MAP3K4: variants seen among roughly 807,000 people sequenced by gnomAD.
The protein encoded by MAP3K4 is MAP three kinase 1.
MAP3K4 carries 67 observed loss-of-function variants against 185.6 expected under a neutral mutation model. The observed-to-expected ratio is 0.36, with a 90% CI of 0.30 to 0.44. The LOEUF is 0.44. Ranked by LOEUF, MAP3K4 falls within the 20% of genes least tolerant of loss-of-function variation. The pLI, the probability that MAP3K4 is intolerant of heterozygous loss-of-function variation, is 1.00. For synonymous variants in MAP3K4, 702 were observed against 710.4 expected (o/e 0.99, Z 0.19); for missense variants, 1,551 against 1,995.1 (o/e 0.78, Z 4.24).
chr6:161,040,113 GAA>G (rs1163956643), intron 2 of MAP3K4, among the ~76,000 whole-genome samples: 1 of 152,176 alleles, frequency 6.6e-6, no homozygotes, highest in African/African-American at 2.4e-5. Flanking sequence ...AACAATGTAT[GAA>G]TACCTCGTTT....
chr6:161,098,302 G>A lies in MAP3K4; in HGVS notation c.3549G>A (p.Ala1183=), dbSNP rs959221264. Residue 1183 remains alanine (A), a synonymous_variant, in exon 17 of 27, where the codon GCG becomes GCA. Transcript: ENST00000392142. This position sits in a 1 kb window ranked among gnomAD's most constrained non-coding sequence, Gnocchi z 4.4. ...GFSTRSMPSD[A]RSHGSPAAAA... ...GCACTCGGAGCATGCCTTCCGACGCGCGGAGCCATGGCAGCCCTGCTGCTG... is the reference window on the plus strand; with the variant it reads ...GCACTCGGAGCATGCCTTCCGACGCACGGAGCCATGGCAGCCCTGCTGCTG... The A allele has an allele frequency of 5.6e-6, 9 of 1,607,988 alleles. No individual in the cohort carries two copies. Among genetic ancestry groups the A allele is most frequent in the East Asian group, 2.2e-5 (1 of 44,582 alleles).
intron 2 of MAP3K4, among the ~76,000 whole-genome samples, chr6:161,039,974 A>T (rs1783375075): frequency 6.6e-6 from 1 of 152,186 alleles, no homozygotes; most frequent in African/African-American, 2.4e-5. Context: ...CTTTACTCAT[A>T]TATGGAGTAT....
intron 5 of MAP3K4, among the ~76,000 whole-genome samples, chr6:161,079,512 G>A (rs543282242): frequency 6.6e-6 from 1 of 152,218 alleles, no homozygotes; most frequent in Non-Finnish European, 1.5e-5. Flanking sequence ...GGGAGGCAGA[G>A]GTTGCGGTGA....
intron 1 of MAP3K4, among the ~76,000 whole-genome samples, chr6:161,006,032 C>G (rs752641797): frequency 5.3e-5 from 8 of 152,164 alleles, no homozygotes; most frequent in Non-Finnish European, 1.2e-4. Context: ...ATGATCCCCC[C>G]ACCTTGGCCT....
rs1357222811 is a variant in MAP3K4 at position 161,103,027 on chromosome 6, T to C, written c.3856+248T>C. Among the ~76,000 whole-genome samples the C allele has an allele frequency of 1.3e-5, 2 of 152,224 alleles. No homozygotes were observed. The highest frequency in any genetic ancestry group is 3.9e-4 in the East Asian group (2 of 5,192). ...ATATGTTTTACTCATCTTTATATTC[T>C]TAAAGCAACTTAGCATAATTTTTTG... On this transcript the variant is annotated intron_variant, in intron 19 of 26. Coordinates refer to ENST00000392142, the MANE Select transcript of MAP3K4 (RefSeq NM_005922.4). The surrounding 1 kb of genome is among the most constrained non-coding windows in gnomAD (Gnocchi z 4.6).
intron 1 of MAP3K4, among the ~76,000 whole-genome samples, chr6:161,013,058 T>A (rs918807371): frequency 1.2e-4 from 18 of 152,296 alleles, no homozygotes; most frequent in African/African-American, 4.3e-4. Context: ...TTTGAAAGGA[T>A]TTTGAACACT....
At chr6:161,044,075 C>A (rs1185687704) in intron 2 of MAP3K4, among the ~76,000 whole-genome samples, 1 of 152,012 alleles carries the variant, frequency 6.6e-6, no homozygotes, top group Non-Finnish European at 1.5e-5. Context: ...ATAAAGTTTT[C>A]TTTTAAAAAA....
At chr6:161,001,331 A>G (rs910281010) in intron 1 of MAP3K4, among the ~76,000 whole-genome samples, 4 of 151,978 alleles carry the variant, frequency 2.6e-5, no homozygotes, top group African/African-American at 9.7e-5. Context: ...TTTCACATCT[A>G]TATATTCTGT....
In MAP3K4 at chr6:161,101,341, T is replaced by C. The variant is rs1777830796; in HGVS notation, c.3675-551T>C. 1 of 152,196 alleles carries C rather than the reference T, an allele frequency of 6.6e-6. No homozygotes were observed. The highest frequency in any genetic ancestry group is 6.5e-5 in the Admixed American group (1 of 15,272). The allele number at this position is 152,196 out of a possible 1,614,324, so 9.4% of individuals were successfully genotyped here. ...CCTTCCATTTTCTTACTGAGAGATT[T>C]GGAATCTTTTGGACCATGAAATGAT... On this transcript the variant is annotated intron_variant, in intron 17 of 26. Coordinates refer to ENST00000392142, the MANE Select transcript of MAP3K4 (RefSeq NM_005922.4). This position sits in a 1 kb window ranked among gnomAD's most constrained non-coding sequence, Gnocchi z 5.1.
chr6:161,026,688 G>A (rs1782680004), intron 1 of MAP3K4, among the ~76,000 whole-genome samples: 2 of 142,482 alleles, frequency 1.4e-5, no homozygotes, highest in Admixed American at 1.4e-4. Context: ...CTTTTTATGT[G>A]TAATGGGACT....
At position 161,063,151 on chromosome 6, in the gene MAP3K4, A is replaced by G. The variant is rs1562514828; in HGVS notation, c.1708-7457A>G. Among the ~76,000 whole-genome samples the G allele has an allele frequency of 1.3e-5, 2 of 152,074 alleles. No individual in the cohort carries two copies. The highest frequency in any genetic ancestry group is 6.6e-5 in the Admixed American group (1 of 15,262). ...CTAGTTTGTTTTTGATTTGGGACGT[A>G]AAATTGATTTGATTTTTGATTAAAA... On this transcript the variant is annotated intron_variant, in intron 3 of 26. Coordinates refer to ENST00000392142, the MANE Select transcript of MAP3K4 (RefSeq NM_005922.4). This position sits in a 1 kb window ranked among gnomAD's most constrained non-coding sequence, Gnocchi z 5.4.
intron 13 of MAP3K4, 130 bp downstream of exon 13, chr6:161,092,273 GT>G (rs1027532965): frequency 9.2e-5 from 93 of 1,008,872 alleles, no homozygotes; most frequent in Non-Finnish European, 1.2e-4. Flanking sequence ...CGGTGATCAG[GT>G]TTTTTTTAAT....
At chr6:160,992,113 G>T in intron 1 of MAP3K4, 30 bp downstream of exon 1, 1 of 1,522,468 alleles carries the variant, frequency 6.6e-7, no homozygotes, top group Non-Finnish European at 8.7e-7. Flanking sequence ...TCGGTCGCTC[G>T]CAGAAAGCGG....
At chr6:161,066,345 G>T (rs3798913) in intron 3 of MAP3K4, among the ~76,000 whole-genome samples, 1 of 150,702 alleles carries the variant, frequency 6.6e-6, no homozygotes, top group African/African-American at 2.4e-5. Context: ...CTGATCTTAC[G>T]TTAGAGCCGC....
At chr6:161,028,237 A>G (rs1472391371) in intron 1 of MAP3K4, among the ~76,000 whole-genome samples, 1 of 152,090 alleles carries the variant, frequency 6.6e-6, no homozygotes, top group Non-Finnish European at 1.5e-5. Context: ...ATGTTTTTGT[A>G]TGTATGTTTA....
In MAP3K4 at chr6:161,076,434, G is replaced by A. The variant is rs187591261; in HGVS notation, c.2097+2822G>A. 3.9e-5 allele frequency among the ~76,000 whole-genome samples: 6 copies of A among 152,328 alleles called. No individual in the cohort carries two copies. Among genetic ancestry groups the A allele is most frequent in the East Asian group, 1.9e-4 (1 of 5,182 alleles). ...TGTGACCTTGGGGGCTTTACTCTGC[G>A]TTAGGACATCCACTGTACTCGAAAA... On this transcript the variant is annotated intron_variant, in intron 5 of 26. Coordinates refer to ENST00000392142, the MANE Select transcript of MAP3K4 (RefSeq NM_005922.4). This position sits in a 1 kb window ranked among gnomAD's most constrained non-coding sequence, Gnocchi z 4.2.
At chr6:161,092,599 T>TTAA (rs1268534964) in intron 13 of MAP3K4, among the ~76,000 whole-genome samples, 3 of 152,302 alleles carry the variant, frequency 2.0e-5, no homozygotes, top group Middle Eastern at 6.8e-3. Context: ...ATGGGGCACT[T>TTAA]TCTTAAAGTC....
rs1311472386 is a variant in MAP3K4 at position 161,114,873 on chromosome 6, A to T, written c.4627-250A>T. ...TGCTGGCCACCTGTTTTATAAATAAAGTTTTGTTGGAACAGTCATATTCAT... is the reference window on the plus strand; with the variant it reads ...TGCTGGCCACCTGTTTTATAAATAATGTTTTGTTGGAACAGTCATATTCAT... On this transcript the variant is annotated intron_variant, in intron 25 of 26. Coordinates refer to ENST00000392142, the MANE Select transcript of MAP3K4 (RefSeq NM_005922.4). This position sits in a 1 kb window ranked among gnomAD's most constrained non-coding sequence, Gnocchi z 4.3. Among the ~76,000 whole-genome samples the T allele has an allele frequency of 1.3e-5, 2 of 152,170 alleles. No homozygotes were observed. The highest frequency in any genetic ancestry group is 3.8e-4 in the East Asian group (2 of 5,206).
At chr6:161,003,859 T>C (rs939031831) in intron 1 of MAP3K4, among the ~76,000 whole-genome samples, 2 of 152,044 alleles carry the variant, frequency 1.3e-5, no homozygotes, top group Non-Finnish European at 2.9e-5. Flanking sequence ...AATATTCATA[T>C]AAACATAAGG....
Sources: gnomAD v4.1 joint callset for allele counts (sites outside exome capture counted in the v4.1 genomes callset) on GRCh38, gnomAD v4.1.1 for gene constraint, Gnocchi (gnomAD v3.1) non-coding constraint, MANE v1.5 for transcripts, NCBI Gene and HGNC (gene_info 2026-07-23, HGNC 2026-07-21) for gene names.